The following USP32 variants were observed in gnomAD, a reference collection of about 807,000 sequenced individuals.
USP32 encodes ubiquitin carboxyl-terminal hydrolase 32.
A neutral mutation model predicts 204.8 loss-of-function variants in USP32; 59 were observed. The observed-to-expected ratio is 0.29, with a 90% confidence interval of 0.23 to 0.36. USP32 has a LOEUF of 0.36. Ranked by LOEUF, USP32 falls within the 10% of genes least tolerant of loss-of-function variation. The pLI is 1.00. For synonymous variants in USP32, 517 were observed against 678.4 expected (o/e 0.76, Z 3.70); for missense variants, 1,160 against 1,946.4 (o/e 0.60, Z 7.60).
chr17:60,262,255 C>T (rs1247288159), intron 9 of USP32, among the ~76,000 whole-genome samples: 8 of 152,240 alleles, frequency 5.3e-5, no homozygotes, highest in Non-Finnish European at 1.2e-4. Flanking sequence ...GCAATGGTGT[C>T]ATCTTGGCTC....
intron 15 of USP32, among the ~76,000 whole-genome samples, chr17:60,220,937 C>T (rs554882649): frequency 2.6e-5 from 4 of 152,122 alleles, no homozygotes; most frequent in South Asian, 4.2e-4. Context: ...CGTGAGCCAC[C>T]GCGCCCAGCC....
chr17:60,191,672 G>A (rs920191384), intron 28 of USP32, among the ~76,000 whole-genome samples: 2 of 151,374 alleles, frequency 1.3e-5, no homozygotes, highest in Non-Finnish European at 2.9e-5. Flanking sequence ...ACCATGCCTG[G>A]CTAATTTTTT....
intron 4 of USP32, among the ~76,000 whole-genome samples, chr17:60,291,571 G>GTA (rs1491051711): frequency 2.0e-4 from 29 of 146,460 alleles, no homozygotes; most frequent in Non-Finnish European, 3.4e-4. Flanking sequence ...GTGTGTGTGT[G>GTA]TATAAACACA....
Position 60,326,758 on chromosome 17 carries a change from C to T in USP32, c.186+18723G>A, listed in dbSNP as rs953863689. Among the ~76,000 whole-genome samples, 4 of 152,164 alleles carry T rather than the reference C, an allele frequency of 2.6e-5. No individual in the cohort carries two copies. In the South Asian group the frequency reaches 8.3e-4, roughly 32 times the overall value. On this transcript the variant is annotated intron_variant, in intron 2 of 33. Coordinates refer to ENST00000300896, the MANE Select transcript of USP32 (RefSeq NM_032582.4). Reference sequence around the variant, plus strand: ...TCATGCACAGAGTATAAAATATTCCCCCCAAAGAGACTTACTAAGTTTTAT... The same window carrying T: ...TCATGCACAGAGTATAAAATATTCCTCCCAAAGAGACTTACTAAGTTTTAT...
At chr17:60,212,785 C>T (rs1467651555) in intron 18 of USP32, among the ~76,000 whole-genome samples, 1 of 150,780 alleles carries the variant, frequency 6.6e-6, no homozygotes, top group Non-Finnish European at 1.5e-5. Flanking sequence ...GACAGTCTGG[C>T]TTTGTCCCCC....
chr17:60,338,324 CAAA>C (rs535885155), intron 2 of USP32, among the ~76,000 whole-genome samples: 2 of 94,608 alleles, frequency 2.1e-5, no homozygotes, highest in Non-Finnish European at 2.2e-5. Context: ...GACTCTATCT[CAAA>C]AAAAAAAAAA....
At chr17:60,367,042 T>C (rs887667557) in intron 1 of USP32, among the ~76,000 whole-genome samples, 1 of 152,156 alleles carries the variant, frequency 6.6e-6, no homozygotes, top group Non-Finnish European at 1.5e-5. Flanking sequence ...TTAGCCAGGA[T>C]GGTCTCAATC....
chr17:60,328,273 G>A (rs2088294091), intron 2 of USP32, among the ~76,000 whole-genome samples: 1 of 152,206 alleles, frequency 6.6e-6, no homozygotes, highest in Non-Finnish European at 1.5e-5. Flanking sequence ...CCAGCTGCAG[G>A]GAGGAATTAC....
In USP32 at chr17:60,179,224, G is replaced by A. The variant is rs370534709; in HGVS notation, c.*31C>T. On this transcript the variant is annotated 3_prime_UTR_variant, in exon 34 of 34. Coordinates refer to ENST00000300896, the MANE Select transcript of USP32 (RefSeq NM_032582.4). ...GCTACAAGGAGTCATCTCCCTCACC[G>A]CCAAGCTGTCTAGCAGCCAGAGTGG... 11 of 1,597,046 alleles carry A rather than the reference G, an allele frequency of 6.9e-6. No individual in the cohort carries two copies. Among genetic ancestry groups the A allele is most frequent in the African/African-American group, 5.4e-5 (4 of 74,516 alleles).
intron 2 of USP32, chr17:60,316,240 A>G (rs1033318274): frequency 1.3e-5 from 2 of 158,878 alleles, no homozygotes; most frequent in Non-Finnish European, 2.6e-5. Context: ...GATGAGTAAC[A>G]TTTCATTCTC....
At chr17:60,184,244 G>A (rs570731866) in intron 30 of USP32, among the ~76,000 whole-genome samples, 3 of 151,808 alleles carry the variant, frequency 2.0e-5, no homozygotes, top group Admixed American at 2.0e-4. Flanking sequence ...GAACCCAGGA[G>A]GTGAGGCTTG....
chr17:60,214,756 T>C lies in USP32; in HGVS notation c.1886A>G (p.Asn629Ser), dbSNP rs1211374427. The change falls in exon 17 of 34, where the codon AAT becomes AGT. Residue 629 changes from asparagine (N) to serine (S), a missense_variant. Transcript: ENST00000300896. ...WVNMGNVPSP[N>S]APLKRVLAYT... ...GGCTAATACCCGCTTTAAAGGTGCA[T>C]TCGGAGAAGGTACATTTCCTATGGT... The C allele has an allele frequency of 6.2e-6, 10 of 1,613,754 alleles. No homozygotes were observed. In the African/African-American group the frequency reaches 1.2e-4, roughly 19 times the overall value.
At chr17:60,262,954 CT>C (rs918942350) in intron 9 of USP32, among the ~76,000 whole-genome samples, 38 of 146,746 alleles carry the variant, frequency 2.6e-4, no homozygotes, top group East Asian at 4.0e-4. Context: ...TGGTGCTAAC[CT>C]TTTTTTTTTT....
intron 13 of USP32, among the ~76,000 whole-genome samples, chr17:60,223,953 G>A (rs1272396992): frequency 1.3e-5 from 2 of 152,264 alleles, no homozygotes; most frequent in East Asian, 3.9e-4. Context: ...TATTCCAAAT[G>A]TTCTTGGTAG....
intron 26 of USP32, among the ~76,000 whole-genome samples, chr17:60,204,992 T>A (rs1274719992): frequency 6.7e-6 from 1 of 148,596 alleles, no homozygotes; most frequent in East Asian, 2.0e-4. Context: ...GAGGTCTCAC[T>A]ATGTTGCCCA....
At chr17:60,219,102 A>G (rs2085176599) in intron 16 of USP32, among the ~76,000 whole-genome samples, 1 of 152,204 alleles carries the variant, frequency 6.6e-6, no homozygotes, top group South Asian at 2.1e-4. Flanking sequence ...ATCTTCAAAA[A>G]TATGCCTTTT....
intron 1 of USP32, among the ~76,000 whole-genome samples, chr17:60,368,991 A>ATTTTTTTTTTTTTTTTTTTTTTTTTTTTT (rs758528054): frequency 6.1e-5 from 7 of 114,132 alleles, no homozygotes; most frequent in African/African-American, 3.6e-4. Context: ...TTTTTAAAAG[A>ATTTTTTTTTTTTTTTTTTTTTTTTTTTTT]TTTTTTTTTT....
chr17:60,322,448 T>C (rs947587197), intron 2 of USP32, among the ~76,000 whole-genome samples: 6 of 152,206 alleles, frequency 3.9e-5, no homozygotes, highest in African/African-American at 1.4e-4. Flanking sequence ...TCTGTATTAG[T>C]AAATCTTCAC....
chr17:60,393,292 C>A (rs117213633), upstream of USP32, among the ~76,000 whole-genome samples: 4,287 of 152,228 alleles, frequency 0.028, 89 homozygotes, highest in Non-Finnish European at 0.044. Flanking sequence ...ACTGACTCTC[C>A]CACTCCACCT....
Sources: gnomAD v4.1 joint callset for allele counts (sites outside exome capture counted in the v4.1 genomes callset) on GRCh38, gnomAD v4.1.1 for gene constraint, MANE v1.5 for transcripts, NCBI Gene and HGNC (gene_info 2026-07-23, HGNC 2026-07-21) for gene names.